LRTM3: variants seen among roughly 807,000 people sequenced by gnomAD.
The protein encoded by LRTM3 is leucine rich repeat transmembrane protein 3, also known as leucine-rich repeat transmembrane protein 3.
the LRTM3 span, chr13:102,747,825 C>T: frequency 6.4e-7 from 1 of 1,551,204 alleles, no homozygotes; most frequent in African/African-American, 1.4e-5. Flanking sequence ...TGTGGTTGGA[C>T]TTCTTGCTCT....
the LRTM3 span, chr13:102,740,632 A>C: frequency 6.5e-7 from 1 of 1,548,664 alleles, no homozygotes; most frequent in African/African-American, 1.4e-5. Flanking sequence ...TTAAATAGTC[A>C]TAATGTGGAA....
At chr13:102,746,716 A>G in the LRTM3 span, 3 of 1,551,120 alleles carry the variant, frequency 1.9e-6, no homozygotes, top group South Asian at 3.6e-5. Flanking sequence ...TTGCTGGTAA[A>G]TCTTTTGGTA....
At chr13:102,739,697 T>C in the LRTM3 span, 1 of 1,550,052 alleles carries the variant, frequency 6.5e-7, no homozygotes, top group Non-Finnish European at 8.7e-7. Context: ...ATCCATTGCT[T>C]TTACTCTATC....
At chr13:102,729,952 T>C in the LRTM3 span, 1 of 1,551,952 alleles carries the variant, frequency 6.4e-7, no homozygotes, top group Non-Finnish European at 8.7e-7. Context: ...TTAAGGGAGC[T>C]GAAGAGTAAC....
chr13:102,743,823 A>C, the LRTM3 span: 2 of 1,550,374 alleles, frequency 1.3e-6, no homozygotes, highest in Non-Finnish European at 8.7e-7. Context: ...TTGGCATTGA[A>C]TATAATTTCT....
the LRTM3 span, chr13:102,733,475 A>T: frequency 6.4e-7 from 1 of 1,551,352 alleles, no homozygotes; most frequent in Non-Finnish European, 8.7e-7. Flanking sequence ...TGTGACATAC[A>T]GTTCCTTAGA....
chr13:102,735,941 G>A, the LRTM3 span: 1 of 1,545,656 alleles, frequency 6.5e-7, no homozygotes. Context: ...AATGTGCAAA[G>A]AGTAGTTCTT....
the LRTM3 span, chr13:102,746,939 G>A: frequency 6.4e-7 from 1 of 1,551,022 alleles, no homozygotes; most frequent in Non-Finnish European, 8.7e-7. Context: ...TTCCATTATG[G>A]GAGAAACAAC....
the LRTM3 span, among the ~76,000 whole-genome samples, chr13:102,755,436 G>T: frequency 6.6e-6 from 1 of 152,146 alleles, no homozygotes; most frequent in Non-Finnish European, 1.5e-5. Flanking sequence ...TAAAAAAAAT[G>T]TGGTACATAT....
chr13:102,751,951 G>C, the LRTM3 span, among the ~76,000 whole-genome samples: 1 of 151,982 alleles, frequency 6.6e-6, no homozygotes, highest in Non-Finnish European at 1.5e-5. Flanking sequence ...TCCCTGCCTC[G>C]CTACCATTAG....
the LRTM3 span, chr13:102,749,707 C>T: frequency 8.4e-6 from 13 of 1,551,402 alleles, no homozygotes; most frequent in East Asian, 2.4e-5. Context: ...CAGGCTGGCT[C>T]TTAATTGATT....
chr13:102,753,515 A>G, the LRTM3 span, among the ~76,000 whole-genome samples: 5 of 148,200 alleles, frequency 3.4e-5, no homozygotes, highest in South Asian at 4.3e-4. Context: ...AAAAGAAAAG[A>G]AAAAAAAAAG....
chr13:102,736,903 G>A, the LRTM3 span: 8 of 1,551,102 alleles, frequency 5.2e-6, no homozygotes, highest in South Asian at 9.5e-5. Context: ...TGTGCCATGA[G>A]GGTGGAAGAA....
the LRTM3 span, chr13:102,733,206 C>A: frequency 3.2e-6 from 5 of 1,551,434 alleles, no homozygotes; most frequent in Admixed American, 3.9e-5. Context: ...TTTTTCATGA[C>A]AATATCTTGT....
chr13:102,741,055 T>G, the LRTM3 span: 1 of 1,550,152 alleles, frequency 6.5e-7, no homozygotes, highest in Non-Finnish European at 8.7e-7. Flanking sequence ...TGATTTCTTC[T>G]GCTGAGCCTT....
At chr13:102,730,186 T>C in the LRTM3 span, 2 of 1,550,716 alleles carry the variant, frequency 1.3e-6, no homozygotes, top group Non-Finnish European at 1.7e-6. Flanking sequence ...AACCTGAATC[T>C]TCACTGTAAA....
chr13:102,738,019 A>T, the LRTM3 span: 1 of 1,549,538 alleles, frequency 6.5e-7, no homozygotes, highest in Non-Finnish European at 8.7e-7. Flanking sequence ...CTTCTCTATC[A>T]ACCTTTTCTT....
the LRTM3 span, chr13:102,745,941 A>T: frequency 6.4e-7 from 1 of 1,551,196 alleles, no homozygotes; most frequent in Non-Finnish European, 8.7e-7. Context: ...TCCTCATCTG[A>T]TTTGACAAGC....
At chr13:102,741,943 C>T in the LRTM3 span, 1 of 1,550,466 alleles carries the variant, frequency 6.4e-7, no homozygotes, top group Non-Finnish European at 8.7e-7. Flanking sequence ...GTTTTTGTTC[C>T]TTTTCTCTAA....
Sources: allele counts gnomAD v4.1 joint callset (sites outside exome capture counted in the v4.1 genomes callset), GRCh38; gene constraint gnomAD v4.1.1; transcripts MANE v1.5; gene names NCBI Gene and HGNC (gene_info 2026-07-23, HGNC 2026-07-21).